The following CADM2 variants were observed in gnomAD, a reference collection of about 807,000 sequenced individuals.
CADM2 encodes cell adhesion molecule 2, also known as immunoglobulin superfamily member 4D.
CADM2 carries 12 observed loss-of-function variants against 49.8 expected under a neutral mutation model. The observed-to-expected ratio is 0.24, with a 90% CI of 0.15 to 0.39. The LOEUF (loss-of-function observed/expected upper bound fraction) is 0.39. Among genes scored for constraint, CADM2 ranks in the 10% least tolerant of loss-of-function variants. The pLI, the probability that CADM2 is intolerant of heterozygous loss-of-function variation, is 1.00. For synonymous variants in CADM2, 214 were observed against 175.4 expected (o/e 1.22, Z -1.74); for missense variants, 378 against 492.3 (o/e 0.77, Z 2.20).
At chr3:84,978,414 A>G (rs1473904093) in intron 1 of CADM2, among the ~76,000 whole-genome samples, 1 of 152,162 alleles carries the variant, frequency 6.6e-6, no homozygotes, top group Non-Finnish European at 1.5e-5. Flanking sequence ...AACAGAAACC[A>G]AATTAACACG....
At chr3:85,344,859 A>G (rs2030408068) in intron 1 of CADM2, among the ~76,000 whole-genome samples, 2 of 152,152 alleles carry the variant, frequency 1.3e-5, no homozygotes, top group Non-Finnish European at 2.9e-5. Flanking sequence ...AGCCATAATT[A>G]TACATAATTT....
intron 1 of CADM2, among the ~76,000 whole-genome samples, chr3:85,599,175 A>C (rs1209814296): frequency 2.0e-5 from 3 of 152,096 alleles, no homozygotes; most frequent in Non-Finnish European, 4.4e-5. Flanking sequence ...TATTTTTGGC[A>C]ATGCAACCTA....
chr3:84,981,222 G>A (rs187850976), intron 1 of CADM2, among the ~76,000 whole-genome samples: 3 of 147,594 alleles, frequency 2.0e-5, no homozygotes, highest in East Asian at 4.1e-4. Flanking sequence ...GTGAGAATAT[G>A]TGGTGTTTGG....
chr3:85,484,960 T>G (rs1473147907), intron 1 of CADM2, among the ~76,000 whole-genome samples: 1 of 151,884 alleles, frequency 6.6e-6, no homozygotes, highest in East Asian at 1.9e-4. Context: ...AGTAATAGTT[T>G]TATGGCTTTA....
At chr3:85,934,847 ATCT>A (rs1328523407) in intron 6 of CADM2, among the ~76,000 whole-genome samples, 2 of 152,094 alleles carry the variant, frequency 1.3e-5, no homozygotes, top group East Asian at 3.9e-4. Context: ...AATAATTGTG[ATCT>A]TCTGGAGAGT....
Position 85,686,751 on chromosome 3 carries a change from G to T in CADM2, c.62-39771G>T, listed in dbSNP as rs575254896. On this transcript the variant is annotated intron_variant, in intron 1 of 9. Transcript: ENST00000383699. Reference sequence around the variant, plus strand: ...CCCCATTCTATTCAGTCACCCCTCTGCTCACCGAAATAAATGCATATCTCA... The same window carrying T: ...CCCCATTCTATTCAGTCACCCCTCTTCTCACCGAAATAAATGCATATCTCA... Among the ~76,000 whole-genome samples, 9 of 152,204 alleles carry T rather than the reference G, an allele frequency of 5.9e-5. No homozygotes were observed. In the South Asian group the frequency reaches 1.9e-3, roughly 32 times the overall value.
chr3:85,343,025 A>G (rs1347254738), intron 1 of CADM2, among the ~76,000 whole-genome samples: 1 of 152,158 alleles, frequency 6.6e-6, no homozygotes, highest in Non-Finnish European at 1.5e-5. Context: ...TAGACCAGTC[A>G]TTGTCAAGTA....
intron 1 of CADM2, among the ~76,000 whole-genome samples, chr3:85,207,719 A>G (rs1431076222): frequency 2.0e-5 from 3 of 152,296 alleles, no homozygotes; most frequent in Admixed American, 2.0e-4. Flanking sequence ...TGAATTACAG[A>G]GAGTCTCTTT....
At chr3:85,577,014 GA>G (rs574036458) in intron 1 of CADM2, among the ~76,000 whole-genome samples, 69 of 152,070 alleles carry the variant, frequency 4.5e-4, no homozygotes, top group Middle Eastern at 3.4e-3. Context: ...AATTCTCCTG[GA>G]TGTCAAGTCC....
intron 1 of CADM2, among the ~76,000 whole-genome samples, chr3:85,564,085 A>G (rs1335015211): frequency 6.6e-6 from 1 of 151,930 alleles, no homozygotes; most frequent in Non-Finnish European, 1.5e-5. Flanking sequence ...GTCCCTATTC[A>G]TGTTGCTTAG....
chr3:85,635,608 C>A (rs1475997753), intron 1 of CADM2, among the ~76,000 whole-genome samples: 1 of 151,932 alleles, frequency 6.6e-6, no homozygotes, highest in African/African-American at 2.4e-5. Flanking sequence ...TCTAGAGCTG[C>A]CTTTATCTTG....
chr3:85,878,360 A>G (rs1712228972), intron 3 of CADM2, among the ~76,000 whole-genome samples: 1 of 152,124 alleles, frequency 6.6e-6, no homozygotes, highest in African/African-American at 2.4e-5. Context: ...TGAAGCTTAC[A>G]TAAAACTTCA....
intron 1 of CADM2, among the ~76,000 whole-genome samples, chr3:85,133,095 G>T (rs2039286709): frequency 6.6e-6 from 1 of 152,134 alleles, no homozygotes; most frequent in Admixed American, 6.5e-5. Flanking sequence ...GTGGGCTCCT[G>T]GTCTCGCTGG....
In CADM2 at chr3:86,018,011, A is replaced by G. The variant is rs1285407802; in HGVS notation, c.971-47594A>G. On this transcript the variant is annotated intron_variant, in intron 8 of 9. Coordinates refer to ENST00000383699, the MANE Select transcript of CADM2 (RefSeq NM_001167675.2). ...CATCTAGCATTAGGTATATCTCCCA[A>G]TGCTATCCCTCCCCCCTCCCCCCAC... Among the ~76,000 whole-genome samples the G allele has an allele frequency of 1.7e-5, 2 of 115,412 alleles. 1 individual carries two copies. The highest frequency in any genetic ancestry group is 6.6e-5 in the African/African-American group (2 of 30,414). 75.7% of individuals were successfully genotyped at this position (115,412 alleles called of 152,430 possible). A position where few individuals can be genotyped will look rare whatever the true frequency, so the allele number is the denominator to read the frequency against.
At chr3:85,813,828 T>C (rs1156781325) in intron 3 of CADM2, among the ~76,000 whole-genome samples, 2 of 152,176 alleles carry the variant, frequency 1.3e-5, no homozygotes, top group Non-Finnish European at 2.9e-5. Context: ...GTGTCAGGTG[T>C]GTCAAAGATC....
chr3:85,254,220 G>A (rs2042835905), intron 1 of CADM2, among the ~76,000 whole-genome samples: 1 of 152,068 alleles, frequency 6.6e-6, no homozygotes, highest in African/African-American at 2.4e-5. Context: ...TGAACAATCA[G>A]ATGGAAGAGA....
chr3:85,032,222 T>TC (rs1213266742), intron 1 of CADM2, among the ~76,000 whole-genome samples: 1 of 151,788 alleles, frequency 6.6e-6, no homozygotes, highest in Non-Finnish European at 1.5e-5. Context: ...CTGGTTTTTT[T>TC]TTTTTATCTT....
intron 1 of CADM2, among the ~76,000 whole-genome samples, chr3:85,581,949 A>G (rs556343170): frequency 1.5e-4 from 23 of 149,072 alleles, no homozygotes; most frequent in Admixed American, 1.5e-3. Context: ...TTGTTTTTTA[A>G]TGAAGTCTTG....
At chr3:85,002,900 C>T (rs2033537098) in intron 1 of CADM2, among the ~76,000 whole-genome samples, 2 of 152,120 alleles carry the variant, frequency 1.3e-5, no homozygotes, top group South Asian at 4.1e-4. Flanking sequence ...ATCCTCCCAC[C>T]TCAGCCTCCC....
Sources: allele counts gnomAD v4.1 joint callset (sites outside exome capture counted in the v4.1 genomes callset), GRCh38; gene constraint gnomAD v4.1.1; transcripts MANE v1.5; gene names NCBI Gene and HGNC (gene_info 2026-07-23, HGNC 2026-07-21).